ERICH3: variants seen among roughly 807,000 people sequenced by gnomAD.
ERICH3 encodes glutamate-rich protein 3.
Under a neutral mutation model 131.1 loss-of-function variants are expected in ERICH3, and 126 were observed. The observed-to-expected ratio is 0.96, with a 90% CI of 0.83 to 1.11. The LOEUF (loss-of-function observed/expected upper bound fraction) is 1.11, where lower values mean the gene tolerates loss of function less well. Ranked by LOEUF, ERICH3 falls within the 50% of genes most tolerant of loss-of-function variation. The pLI, the probability that ERICH3 is intolerant of heterozygous loss-of-function variation, is 0.00. For missense variants in ERICH3, 2,050 were observed against 1,810.7 expected, an observed-to-expected ratio of 1.13 and a Z score of -2.40; for synonymous variants, 695 against 644.6, an observed-to-expected ratio of 1.08 and a Z score of -1.18.
At chr1:74,594,544 T>A (rs1422177793) in intron 11 of ERICH3, among the ~76,000 whole-genome samples, 1 of 152,098 alleles carries the variant, frequency 6.6e-6, no homozygotes, top group Non-Finnish European at 1.5e-5. Flanking sequence ...TGCCAGGCAA[T>A]GTTCTACAAG....
intron 1 of ERICH3, among the ~76,000 whole-genome samples, chr1:74,669,499 G>A (rs1304651845): frequency 6.6e-6 from 1 of 151,986 alleles, no homozygotes; most frequent in Admixed American, 6.6e-5. Context: ...TCCACCTCTA[G>A]AACTCATGCA....
chr1:74,655,791 C>A (rs955568538), intron 1 of ERICH3, among the ~76,000 whole-genome samples: 4 of 152,144 alleles, frequency 2.6e-5, no homozygotes, highest in African/African-American at 4.8e-5. Flanking sequence ...ACATTGGACA[C>A]TGAATGTGAT....
intron 2 of ERICH3, among the ~76,000 whole-genome samples, chr1:74,648,714 A>C (rs1239494437): frequency 6.6e-6 from 1 of 152,178 alleles, no homozygotes; most frequent in Admixed American, 6.6e-5. Context: ...GAAGAATAGA[A>C]ATTTTGTGGA....
intron 11 of ERICH3, among the ~76,000 whole-genome samples, chr1:74,594,702 A>G (rs1647767384): frequency 6.6e-6 from 1 of 152,254 alleles, no homozygotes; most frequent in East Asian, 1.9e-4. Context: ...GACTGCTGAT[A>G]ACTCTCTCAG....
At chr1:74,651,449 T>G (rs1646533938) in intron 1 of ERICH3, among the ~76,000 whole-genome samples, 1 of 152,164 alleles carries the variant, frequency 6.6e-6, no homozygotes, top group Admixed American at 6.6e-5. Context: ...CGGATAATGC[T>G]TTGAAACCAT....
chr1:74,614,479 A>T (rs921612306), intron 8 of ERICH3, among the ~76,000 whole-genome samples: 1 of 151,664 alleles, frequency 6.6e-6, no homozygotes. Context: ...GATAGAGACC[A>T]TCCTGGCTAA....
Position 74,646,776 on chromosome 1 carries a change from C to A in ERICH3, c.134G>T (p.Arg45Ile). 2 of 1,474,420 alleles carry A rather than the reference C, an allele frequency of 1.4e-6. No homozygotes were observed. Among genetic ancestry groups the A allele is most frequent in the Non-Finnish European group, 1.8e-6 (2 of 1,084,414 alleles). 91.3% of individuals were successfully genotyped at this position (1,474,420 alleles called of 1,614,324 possible). A position where few individuals can be genotyped will look rare whatever the true frequency, so the allele number is the denominator to read the frequency against. Residue 45 changes from arginine to isoleucine, a missense_variant, in exon 3 of 15, where the codon AGA becomes ATA. Coordinates refer to ENST00000326665, the MANE Select transcript of ERICH3 (RefSeq NM_001002912.5). ...LRSGLITRSGRILSEKEYKLN... is the reference protein window; with the variant it reads ...LRSGLITRSGIILSEKEYKLN... ...TTTATATTCTTTTTCAGAAAGTATT[C>A]TTCCACTTCTTGTGATCTGTCATGA...
At chr1:74,613,416 T>C (rs1284706455) in intron 8 of ERICH3, among the ~76,000 whole-genome samples, 7 of 152,210 alleles carry the variant, frequency 4.6e-5, no homozygotes, top group South Asian at 4.1e-4. Flanking sequence ...TACAGTGAGT[T>C]GGGGAGTTAG....
At chr1:74,575,758 C>T (rs1647040937) in intron 13 of ERICH3, among the ~76,000 whole-genome samples, 1 of 152,072 alleles carries the variant, frequency 6.6e-6, no homozygotes, top group Admixed American at 6.5e-5. Context: ...GCCTAGCCAC[C>T]ATGTAGTAAT....
intron 1 of ERICH3, among the ~76,000 whole-genome samples, chr1:74,662,739 A>G (rs563954744): frequency 2.6e-5 from 4 of 151,902 alleles, no homozygotes; most frequent in Non-Finnish European, 4.4e-5. Flanking sequence ...GCTTCTAAGA[A>G]CATGTCACCT....
intron 1 of ERICH3, among the ~76,000 whole-genome samples, chr1:74,671,579 T>C (rs1646743870): frequency 6.6e-6 from 1 of 152,142 alleles, no homozygotes; most frequent in Non-Finnish European, 1.5e-5. Flanking sequence ...AGAATCTATG[T>C]TGAAATATTG....
chr1:74,639,037 A>T (rs1196903123), intron 5 of ERICH3, among the ~76,000 whole-genome samples: 1 of 152,184 alleles, frequency 6.6e-6, no homozygotes, highest in African/African-American at 2.4e-5. Context: ...AGCCAAGTGG[A>T]TTGACTAAAG....
At chr1:74,599,523 T>A (rs1471600797) in intron 11 of ERICH3, among the ~76,000 whole-genome samples, 172 bp downstream of exon 11, 1 of 151,884 alleles carries the variant, frequency 6.6e-6, no homozygotes, top group Non-Finnish European at 1.5e-5. Flanking sequence ...CGAACCCCCA[T>A]GACATAAGTT....
chr1:74,627,242 A>C (rs907894573), intron 7 of ERICH3, among the ~76,000 whole-genome samples: 1 of 152,134 alleles, frequency 6.6e-6, no homozygotes, highest in African/African-American at 2.4e-5. Context: ...ATAGAAAAAC[A>C]AGTGTAAAGG....
intron 12 of ERICH3, among the ~76,000 whole-genome samples, chr1:74,581,353 C>T (rs979247691): frequency 1.3e-5 from 2 of 152,186 alleles, no homozygotes; most frequent in African/African-American, 4.8e-5. Context: ...GAGTATTTCT[C>T]CATTGCGGTT....
chr1:74,577,437 C>A (rs1323928705), intron 12 of ERICH3: 1 of 153,586 alleles, frequency 6.5e-6, no homozygotes, highest in Non-Finnish European at 1.4e-5. Context: ...ATCACAGTGG[C>A]AGTGGTAGCC....
chr1:74,612,774 A>G lies in ERICH3; in HGVS notation c.1036T>C (p.Phe346Leu), dbSNP rs1252647838. ...AGGAAAAAGGTGAGACTGAAGGGGAAACCATGATGCCTTTTGGAAATAAAC... is the reference window on the plus strand; with the variant it reads ...AGGAAAAAGGTGAGACTGAAGGGGAGACCATGATGCCTTTTGGAAATAAAC... ...FQFISKRHHG[F>L]PFSLTFFLNG... Residue 346 changes from phenylalanine (F) to leucine (L), a missense_variant, in exon 9 of 15, where the codon TTC becomes CTC. Phe to Leu is a conservative substitution (Grantham distance 22, BLOSUM62 0). Transcript: ENST00000326665. 1 of 1,597,524 alleles carries G rather than the reference A, an allele frequency of 6.3e-7. No homozygotes were observed. Among genetic ancestry groups the G allele is most frequent in the Non-Finnish European group, 8.6e-7 (1 of 1,166,812 alleles).
Position 74,606,890 on chromosome 1 carries a change from T to G in ERICH3, c.1200A>C (p.Ala400=). The part of the protein sequence containing the change: ...RSSPCYKCII[A]MGLDKKPSLP... The stretch of plus-strand genomic sequence containing the variant: ...AAGACGGTTTTTTGTCAAGGCCCAT[T>G]GCAATAATGCACCTATGAAAAATAT... The change falls in exon 10 of 15, where the codon GCA becomes GCC. Residue 400 remains alanine (A), a synonymous_variant. Coordinates refer to ENST00000326665, the MANE Select transcript of ERICH3 (RefSeq NM_001002912.5). 6.2e-7 allele frequency: 1 copy of G among 1,611,338 alleles called. No homozygotes were observed. The highest frequency in any genetic ancestry group is 8.5e-7 in the Non-Finnish European group (1 of 1,178,714).
chr1:74,669,304 C>A (rs1646720104), intron 1 of ERICH3, among the ~76,000 whole-genome samples: 1 of 116,134 alleles, frequency 8.6e-6, no homozygotes, highest in African/African-American at 5.2e-5. Flanking sequence ...CATATGTCTT[C>A]TGCATTTTTT....
Sources: gnomAD v4.1 joint callset for allele counts (sites outside exome capture counted in the v4.1 genomes callset) on GRCh38, gnomAD v4.1.1 for gene constraint, MANE v1.5 for transcripts, NCBI Gene and HGNC (gene_info 2026-07-23, HGNC 2026-07-21) for gene names.